Variants in AHNAK observed in about 807,000 individuals in gnomAD.
AHNAK encodes AHNAK nucleoprotein.
In AHNAK, 23 loss-of-function variants were observed where a neutral mutation model predicts 37.8. That is an observed-to-expected ratio of 0.61 (90% CI 0.44 to 0.86). The LOEUF is 0.86. Among genes scored for constraint, AHNAK ranks in the 40% least tolerant of loss-of-function variants. AHNAK has a pLI of 0.00. For synonymous variants in AHNAK, 2,481 were observed against 2,636.3 expected, an observed-to-expected ratio of 0.94 and a Z score of 1.80; for missense variants, 7,411 against 7,319.4, an observed-to-expected ratio of 1.01 and a Z score of -0.46.
Position 62,526,617 on chromosome 11 carries a change from A to T in AHNAK, c.7800T>A (p.Ser2600=). The T allele has an allele frequency of 6.2e-7, 1 of 1,612,920 alleles. No homozygotes were observed. Among genetic ancestry groups the T allele is most frequent in the Admixed American group, 1.7e-5 (1 of 59,868 alleles). Residue 2600 remains serine (S), a synonymous_variant, in exon 5 of 5, where the codon TCT becomes TCA. Transcript: ENST00000378024. The part of the protein sequence containing the change: ...GPKVKGDVDV[S]LPKVEGDLKG... ...TGAGGTCACCTTCCACTTTGGGCAG[A>T]GAAACATCCACATCGCCCTTCACCT...
Position 62,517,656 on chromosome 11 carries a change from A to G in AHNAK, c.16761T>C (p.His5587=). 6.2e-7 allele frequency: 1 copy of G among 1,614,108 alleles called. No individual in the cohort carries two copies. The highest frequency in any genetic ancestry group is 8.5e-7 in the Non-Finnish European group (1 of 1,180,020). The part of the protein sequence containing the change: ...SAPDISLGEG[H]LSVKGSGGEW... ...CACCCCCGGAACCTTTAACACTCAAATGCCCTTCACCAAGGCTGATGTCTG... is the reference window on the plus strand; with the variant it reads ...CACCCCCGGAACCTTTAACACTCAAGTGCCCTTCACCAAGGCTGATGTCTG... The change falls in exon 5 of 5, where the codon CAT becomes CAC. Residue 5587 remains histidine (H), a synonymous_variant. Transcript: ENST00000378024.
At position 62,524,113 on chromosome 11, in the gene AHNAK, A is replaced by C. The variant is rs148347501; in HGVS notation, c.10304T>G (p.Ile3435Ser). 1.2e-6 allele frequency: 2 copies of C among 1,614,144 alleles called. No individual in the cohort carries two copies. The highest frequency in any genetic ancestry group is 3.3e-5 in the Admixed American group (2 of 60,012). ...KSPKVKGDLD[I>S]AGPNLEGDFK... Reference sequence around the variant, plus strand: ...GTCACCTTCTAAATTGGGACCTGCAATATCTAAGTCTCCTTTGACTTTGGG... The same window carrying C: ...GTCACCTTCTAAATTGGGACCTGCACTATCTAAGTCTCCTTTGACTTTGGG... The change falls in exon 5 of 5, where the codon ATT becomes AGT. Residue 3435 changes from isoleucine to serine, a missense_variant. Coordinates refer to ENST00000378024, the MANE Select transcript of AHNAK (RefSeq NM_001620.3).
chr11:62,475,986 T>C (rs1939138392), intron 5 of AHNAK, among the ~76,000 whole-genome samples: 1 of 152,216 alleles, frequency 6.6e-6, no homozygotes, highest in South Asian at 2.1e-4. Flanking sequence ...ATGTTTATTT[T>C]AGACTATGGA....
chr11:62,467,987 C>T (rs1440508664), intron 5 of AHNAK, among the ~76,000 whole-genome samples: 1 of 152,140 alleles, frequency 6.6e-6, no homozygotes, highest in Non-Finnish European at 1.5e-5. Context: ...GATGAGTAAA[C>T]AACACAAGGT....
rs771105960 is a variant in AHNAK, at chr11:62,522,921, G to T, written c.11496C>A (p.Asp3832Glu). ...PDVDVNLPKA[D>E]LDVSGPKVDI... ...CCACCTTGGGTCCTGAGACATCAAG[G>T]TCAGCCTTGGGCAGGTTCACATCCA... The change falls in exon 5 of 5, where the codon GAC (aspartate) becomes GAA (glutamate). Residue 3832 changes from aspartate to glutamate, a missense_variant. By Grantham distance (45) the Asp-to-Glu change is conservative. Coordinates refer to ENST00000378024, the MANE Select transcript of AHNAK (RefSeq NM_001620.3). The T allele has an allele frequency of 6.2e-7, 1 of 1,612,962 alleles. No homozygotes were observed. The highest frequency in any genetic ancestry group is 1.1e-5 in the South Asian group (1 of 91,018).
Position 62,479,167 on chromosome 11 carries a change from C to CTTTTTTTTTTTTTTTTTT in AHNAK, c.442+12564_442+12565insAAAAAAAAAAAAAAAAAA, listed in dbSNP as rs33929407. Among the ~76,000 whole-genome samples, 279 of 116,094 alleles carry CTTTTTTTTTTTTTTTTTT rather than the reference C, an allele frequency of 2.4e-3. 1 individual carries two copies. Among genetic ancestry groups the CTTTTTTTTTTTTTTTTTT allele is most frequent in the Middle Eastern group, 5.4e-3 (1 of 186 alleles). 76.2% of individuals were successfully genotyped at this position (116,094 alleles called of 152,430 possible). A position where few individuals can be genotyped will look rare whatever the true frequency, so the allele number is the denominator to read the frequency against. On this transcript the variant is annotated intron_variant, in intron 5 of 5. Transcript: ENST00000257247. The stretch of plus-strand genomic sequence containing the variant: ...TTTCTTTTCTTTTTTTTTCTTTTTT[C>CTTTTTTTTTTTTTTTTTT]TTTTTTTTTTTTTTTTTGATACGGA...
Position 62,516,041 on chromosome 11 carries a change from C to T in AHNAK, c.*703G>A. The T allele has an allele frequency of 8.4e-7, 1 of 1,186,572 alleles. No individual in the cohort carries two copies. Among genetic ancestry groups the T allele is most frequent in the Non-Finnish European group, 1.1e-6 (1 of 939,336 alleles). The allele number at this position is 1,186,572 out of a possible 1,614,324, so 73.5% of individuals were successfully genotyped here. ...AAGAAATCAGAACTAATATCAGGAA[C>T]ATGGCGGCATGAAGGAAACAGTTCC... On this transcript the variant is annotated 3_prime_UTR_variant, in exon 5 of 5. Transcript: ENST00000378024.
intron 5 of AHNAK, among the ~76,000 whole-genome samples, chr11:62,438,316 G>A (rs1938223191): frequency 6.6e-6 from 1 of 151,250 alleles, no homozygotes; most frequent in Non-Finnish European, 1.5e-5. Context: ...CCGAGTAGCT[G>A]GGATTACAGG....
rs955753580 is a variant in AHNAK, at chr11:62,495,588, C to T, written c.343-3757G>A. On this transcript the variant is annotated intron_variant, in intron 4 of 5. Coordinates refer to the AHNAK transcript ENST00000257247. ...TCTTCTAAAAATACAAAAAAAAAAA[C>T]ATTAGCTGGGCATGAAGGCATGCAC... is the stretch of plus-strand genomic sequence containing the variant. 3.7e-5 allele frequency among the ~76,000 whole-genome samples: 5 copies of T among 133,606 alleles called. No homozygotes were observed. In the East Asian group the frequency reaches 1.0e-3, roughly 27 times the overall value. 87.7% of individuals were successfully genotyped at this position (133,606 alleles called of 152,430 possible).
intron 1 of AHNAK, among the ~76,000 whole-genome samples, chr11:62,540,029 G>T (rs956563176): frequency 6.6e-6 from 1 of 152,344 alleles, no homozygotes; most frequent in Admixed American, 6.5e-5. Flanking sequence ...AGCCCAAGTG[G>T]TCCTTTCTTC....
At chr11:62,501,462 G>A (rs1054756525) in intron 4 of AHNAK, among the ~76,000 whole-genome samples, 5 of 152,194 alleles carry the variant, frequency 3.3e-5, no homozygotes, top group African/African-American at 1.2e-4. Context: ...AGCTACTCAG[G>A]AGGCTGAGGC....
Position 62,519,245 on chromosome 11 carries a change from G to T in AHNAK, c.15172C>A (p.Pro5058Thr), listed in dbSNP as rs754756380. 1 of 1,614,022 alleles carries T rather than the reference G, an allele frequency of 6.2e-7. No homozygotes were observed. Among genetic ancestry groups the T allele is most frequent in the Admixed American group, 1.7e-5 (1 of 59,996 alleles). ...GGEIDASLKA[P>T]DVDVNIAGPD... is the part of the protein sequence containing the mutation. ...CCTGCGATGTTGACATCTACATCCG[G>T]AGCCTTGAGGCTGGCATCAATTTCA... The change falls in exon 5 of 5, where the codon CCG (proline) becomes ACG (threonine). Residue 5058 changes from proline (P) to threonine (T), a missense_variant. Pro to Thr is a conservative substitution (Grantham distance 38, BLOSUM62 -1). Coordinates refer to ENST00000378024, the MANE Select transcript of AHNAK (RefSeq NM_001620.3).
chr11:62,504,503 G>T (rs1019419222), intron 4 of AHNAK, among the ~76,000 whole-genome samples: 1 of 152,060 alleles, frequency 6.6e-6, no homozygotes, highest in Non-Finnish European at 1.5e-5. Flanking sequence ...GTTGTGAGCC[G>T]AACTTGCAAT....
chr11:62,490,883 G>A (rs1939494833), intron 5 of AHNAK, among the ~76,000 whole-genome samples: 1 of 152,046 alleles, frequency 6.6e-6, no homozygotes, highest in South Asian at 2.1e-4. Flanking sequence ...TGCCTCCTGG[G>A]TTCAAGCAAT....
chr11:62,538,669 C>A (rs1381508564), intron 1 of AHNAK, among the ~76,000 whole-genome samples: 1 of 152,232 alleles, frequency 6.6e-6, no homozygotes, highest in East Asian at 1.9e-4. Flanking sequence ...TTACACGCTG[C>A]GTTAGACGGT....
chr11:62,465,914 C>G (rs890552670), intron 5 of AHNAK, among the ~76,000 whole-genome samples: 1 of 152,188 alleles, frequency 6.6e-6, no homozygotes, highest in African/African-American at 2.4e-5. Context: ...GGCTTCTGTC[C>G]TCCAGAACTG....
intron 5 of AHNAK, among the ~76,000 whole-genome samples, chr11:62,473,388 TAAAAAAAAAAAAAAAA>T (rs34585695): frequency 3.1e-5 from 1 of 31,816 alleles, no homozygotes; most frequent in Non-Finnish European, 7.0e-5. Context: ...AGACTCCATC[TAAAAAAAAAAAAAAAA>T]AAAAAAAAAG....
In AHNAK at chr11:62,480,827, A is replaced by AAAAG. The variant is rs139354282; in HGVS notation, c.442+10904_442+10905insCTTT. Among the ~76,000 whole-genome samples the AAAAG allele has an allele frequency of 1.2e-4, 14 of 120,900 alleles. 1 individual carries two copies. Among genetic ancestry groups the AAAAG allele is most frequent in the Admixed American group, 2.9e-4 (3 of 10,414 alleles). 79.3% of individuals were successfully genotyped at this position (120,900 alleles called of 152,430 possible). A position where few individuals can be genotyped will look rare whatever the true frequency, so the allele number is the denominator to read the frequency against. ...TTAAAAAAAAAAAAAAAAAAAAAAA[A>AAAAG]CCTGGATTTGCTGCCTTCTGGTCTG... On this transcript the variant is annotated intron_variant, in intron 5 of 5. Transcript: ENST00000257247.
intron 5 of AHNAK, among the ~76,000 whole-genome samples, chr11:62,457,065 C>A (rs934145142): frequency 6.6e-6 from 1 of 152,132 alleles, no homozygotes; most frequent in Non-Finnish European, 1.5e-5. Flanking sequence ...CTTTGGGAGG[C>A]CGAGGCGGGA....
Sources: allele counts gnomAD v4.1 joint callset (sites outside exome capture counted in the v4.1 genomes callset), GRCh38; gene constraint gnomAD v4.1.1; transcripts MANE v1.5; gene names NCBI Gene and HGNC (gene_info 2026-07-23, HGNC 2026-07-21).